MCTP1: variants seen among roughly 807,000 people sequenced by gnomAD.
The protein encoded by MCTP1 is multiple C2 and transmembrane domain containing 1.
MCTP1 carries 69 observed loss-of-function variants against 120.6 expected under a neutral mutation model. That is an observed-to-expected ratio of 0.57 (90% CI 0.47 to 0.70). The LOEUF is 0.70. Ranked by LOEUF, MCTP1 falls within the 30% of genes least tolerant of loss-of-function variation. The pLI, the probability that MCTP1 is intolerant of heterozygous loss-of-function variation, is 0.00. For missense variants in MCTP1, 1,203 were observed against 1,248.8 expected (o/e 0.96, Z 0.55); for synonymous variants, 529 against 493.1 (o/e 1.07, Z -0.96).
At chr5:94,948,211 C>T (rs1050256523) in intron 3 of MCTP1, among the ~76,000 whole-genome samples, 1 of 152,056 alleles carries the variant, frequency 6.6e-6, no homozygotes, top group Non-Finnish European at 1.5e-5. Context: ...CATAAACTAA[C>T]CCTTAATCTC....
chr5:95,053,162 G>A (rs977306666), intron 1 of MCTP1, among the ~76,000 whole-genome samples: 9 of 152,142 alleles, frequency 5.9e-5, no homozygotes, highest in Non-Finnish European at 1.0e-4. Flanking sequence ...AAGTACAGAC[G>A]GAAGCTTGAA....
At chr5:95,173,746 A>G (rs761521291) in intron 1 of MCTP1, among the ~76,000 whole-genome samples, 3 of 152,170 alleles carry the variant, frequency 2.0e-5, no homozygotes, top group Admixed American at 6.6e-5. Context: ...ATTTAGGGAA[A>G]GCCACCAACA....
intron 17 of MCTP1, among the ~76,000 whole-genome samples, chr5:94,828,939 G>T (rs1787864581): frequency 6.6e-6 from 1 of 152,138 alleles, no homozygotes; most frequent in African/African-American, 2.4e-5. Context: ...CCCCTTTCCA[G>T]GGGAGTAAAC....
intron 15 of MCTP1, among the ~76,000 whole-genome samples, 165 bp downstream of exon 15, chr5:94,870,707 A>G (rs1386980330): frequency 6.6e-6 from 1 of 152,070 alleles, no homozygotes; most frequent in African/African-American, 2.4e-5. Context: ...CGCCAACTAT[A>G]ACAGAAAGTG....
chr5:94,967,372 G>A (rs1218800301), intron 2 of MCTP1, among the ~76,000 whole-genome samples: 1 of 152,170 alleles, frequency 6.6e-6, no homozygotes, highest in Non-Finnish European at 1.5e-5. Context: ...CCAATGTGAT[G>A]AGTTCTATTG....
intron 13 of MCTP1, 57 bp from the exon 14 acceptor site, chr5:94,871,474 G>T: frequency 1.6e-6 from 2 of 1,231,678 alleles, no homozygotes; most frequent in Non-Finnish European, 2.4e-6. Flanking sequence ...ACAACAACAA[G>T]AATAGTTTTG....
At chr5:95,212,239 C>A (rs1011059972) in intron 1 of MCTP1, among the ~76,000 whole-genome samples, 1 of 152,152 alleles carries the variant, frequency 6.6e-6, no homozygotes, top group Non-Finnish European at 1.5e-5. Context: ...CTACAAACAC[C>A]TGTATGCAAA....
intron 12 of MCTP1, among the ~76,000 whole-genome samples, chr5:94,880,782 G>A (rs1799886100): frequency 6.6e-6 from 1 of 151,968 alleles, no homozygotes; most frequent in Non-Finnish European, 1.5e-5. Context: ...ATTTTTTGTT[G>A]GCAAATGTAA....
At chr5:95,029,467 CTG>C (rs1839893614) in intron 1 of MCTP1, among the ~76,000 whole-genome samples, 1 of 152,130 alleles carries the variant, frequency 6.6e-6, no homozygotes, top group African/African-American at 2.4e-5. Context: ...ATTAAAGTGA[CTG>C]TGAATAGACA....
At chr5:95,197,266 T>C (rs1348123795) in intron 1 of MCTP1, among the ~76,000 whole-genome samples, 1 of 152,232 alleles carries the variant, frequency 6.6e-6, no homozygotes, top group East Asian at 1.9e-4. Flanking sequence ...GTAATACTGA[T>C]AAGATTATAT....
Position 95,166,294 on chromosome 5 carries a change from G to A in MCTP1, c.720+117562C>T, listed in dbSNP as rs1423097172. The A allele has an allele frequency of 3.3e-5, 5 of 152,022 alleles. No individual in the cohort carries two copies. In the East Asian group the frequency reaches 9.6e-4, roughly 29 times the overall value. 9.4% of individuals were successfully genotyped at this position (152,022 alleles called of 1,614,324 possible). On this transcript the variant is annotated intron_variant, in intron 1 of 22. Coordinates refer to ENST00000515393, the MANE Select transcript of MCTP1 (RefSeq NM_024717.7). ...TTTTCTTCTATCCTAAAAGCTTTGAGTTCTCCAATCAAGGGAGCCTGGTCT... is the reference window on the plus strand; with the variant it reads ...TTTTCTTCTATCCTAAAAGCTTTGAATTCTCCAATCAAGGGAGCCTGGTCT...
At chr5:95,060,152 T>A (rs1469767932) in intron 1 of MCTP1, among the ~76,000 whole-genome samples, 4 of 146,004 alleles carry the variant, frequency 2.7e-5, no homozygotes, top group Non-Finnish European at 4.5e-5. Context: ...TATGATAGTC[T>A]CTAGAGCCAT....
chr5:94,794,580 G>A (rs1358232698), intron 18 of MCTP1, among the ~76,000 whole-genome samples: 1 of 152,180 alleles, frequency 6.6e-6, no homozygotes, highest in Non-Finnish European at 1.5e-5. Flanking sequence ...GGGCACAATT[G>A]GGTTCACATC....
At chr5:95,148,185 T>C (rs1267444939) in intron 1 of MCTP1, among the ~76,000 whole-genome samples, 3 of 152,282 alleles carry the variant, frequency 2.0e-5, no homozygotes, top group Middle Eastern at 3.4e-3. Flanking sequence ...TTGGGGATGA[T>C]TGTCTTGTAT....
intron 1 of MCTP1, among the ~76,000 whole-genome samples, chr5:95,119,999 C>T (rs1049230423): frequency 6.6e-6 from 1 of 151,584 alleles, no homozygotes; most frequent in Non-Finnish European, 1.5e-5. Context: ...GGTGAAACCT[C>T]GTCTCTACTA....
intron 12 of MCTP1, among the ~76,000 whole-genome samples, chr5:94,876,461 G>A (rs1020880456): frequency 3.3e-5 from 5 of 152,200 alleles, no homozygotes; most frequent in East Asian, 3.9e-4. Context: ...ATTCAATACC[G>A]TGTGGCTAGA....
intron 1 of MCTP1, among the ~76,000 whole-genome samples, chr5:95,173,502 G>A (rs1470405403): frequency 2.0e-5 from 3 of 152,138 alleles, no homozygotes; most frequent in African/African-American, 7.2e-5. Flanking sequence ...GCTCCTCAGT[G>A]TTTATAAAGT....
chr5:94,865,478 A>G (rs1034409394), intron 17 of MCTP1, among the ~76,000 whole-genome samples: 5 of 151,892 alleles, frequency 3.3e-5, no homozygotes, highest in Admixed American at 1.3e-4. Flanking sequence ...GCCAAGTAGA[A>G]CCGATATTAT....
intron 2 of MCTP1, among the ~76,000 whole-genome samples, chr5:95,013,465 C>G (rs1836438358): frequency 6.6e-6 from 1 of 152,110 alleles, no homozygotes. Flanking sequence ...CTTCAAAGAA[C>G]AAGCTGACTC....
Sources: gnomAD v4.1 joint callset for allele counts (sites outside exome capture counted in the v4.1 genomes callset) on GRCh38, gnomAD v4.1.1 for gene constraint, MANE v1.5 for transcripts, NCBI Gene and HGNC (gene_info 2026-07-23, HGNC 2026-07-21) for gene names.